Variants in DCDC1 observed in about 807,000 individuals in gnomAD.
The protein encoded by DCDC1 is doublecortin domain containing 1.
A neutral mutation model predicts 178.3 loss-of-function variants in DCDC1; 200 were observed. The observed-to-expected ratio is 1.12, with a 90% CI of 1.00 to 1.26. The LOEUF is 1.26. DCDC1 is among the 50% of genes most tolerant of loss of function. DCDC1 has a pLI of 0.00. For synonymous variants in DCDC1, 690 were observed against 604.8 expected (o/e 1.14, Z -2.07); for missense variants, 1,983 against 1,749.2 (o/e 1.13, Z -2.38).
chr11:31,082,292 T>A (rs911231419), intron 17 of DCDC1, among the ~76,000 whole-genome samples: 6 of 151,880 alleles, frequency 4.0e-5, no homozygotes, highest in African/African-American at 1.5e-4. Flanking sequence ...GCCTTGCAAT[T>A]TTTTTTTAAT....
In DCDC1 at chr11:30,905,220, C is replaced by T. The variant is rs1944977945; in HGVS notation, c.4105-56G>A. On this transcript the variant is annotated intron_variant, in intron 30 of 38. Coordinates refer to ENST00000684477, the MANE Select transcript of DCDC1 (RefSeq NM_001387274.1). ...ACTCAAACTTTCTTGTTTTAGTGTG[C>T]TACACTTTAGTCTCTTAATAAATGT... 6 of 1,512,044 alleles carry T rather than the reference C, an allele frequency of 4.0e-6. No individual in the cohort carries two copies. The East Asian group carries it at 1.5e-4, about 37-fold the overall frequency. 93.7% of individuals were successfully genotyped at this position (1,512,044 alleles called of 1,614,324 possible). A position where few individuals can be genotyped will look rare whatever the true frequency, so the allele number is the denominator to read the frequency against.
intron 38 of DCDC1, among the ~76,000 whole-genome samples, chr11:30,878,095 C>T (rs1427544126): frequency 2.0e-5 from 3 of 151,974 alleles, no homozygotes; most frequent in Non-Finnish European, 4.4e-5. Flanking sequence ...AGTTTTGTTG[C>T]CTTTCCAGGA....
At chr11:31,177,335 C>T (rs1162653801) in intron 9 of DCDC1, among the ~76,000 whole-genome samples, 1 of 151,224 alleles carries the variant, frequency 6.6e-6, no homozygotes, top group African/African-American at 2.4e-5. Flanking sequence ...AGCTTAGCAC[C>T]ACAGAAAACC....
At chr11:31,240,532 A>G (rs1976988561) in intron 9 of DCDC1, among the ~76,000 whole-genome samples, 1 of 152,004 alleles carries the variant, frequency 6.6e-6, no homozygotes, top group Non-Finnish European at 1.5e-5. Context: ...TAAGACTGAT[A>G]GCCCATTCCC....
At chr11:30,957,442 A>T (rs1017591606) in intron 20 of DCDC1, among the ~76,000 whole-genome samples, 1 of 152,110 alleles carries the variant, frequency 6.6e-6, no homozygotes, top group Non-Finnish European at 1.5e-5. Context: ...ACCGAAGTCA[A>T]AGGTCTTTTC....
intron 2 of DCDC1, among the ~76,000 whole-genome samples, chr11:31,333,804 C>T (rs2133146510): frequency 6.6e-6 from 1 of 152,228 alleles, no homozygotes; most frequent in East Asian, 1.9e-4. Context: ...CTCTGGCTGC[C>T]CTTAACATTT....
intron 6 of DCDC1, 61 bp from the exon 7 acceptor site, chr11:31,290,913 C>T: frequency 6.9e-7 from 1 of 1,446,556 alleles, no homozygotes; most frequent in Non-Finnish European, 9.5e-7. Context: ...ATGGACACAT[C>T]ATACTTCCCT....
intron 21 of DCDC1, chr11:30,943,339 T>A (rs1231602214): frequency 5.3e-6 from 1 of 188,480 alleles, no homozygotes; most frequent in Non-Finnish European, 1.1e-5. Context: ...CAATGTTCTC[T>A]CCTGAGCCTT....
At chr11:30,945,678 A>G (rs1179569112) in intron 21 of DCDC1, among the ~76,000 whole-genome samples, 1 of 151,958 alleles carries the variant, frequency 6.6e-6, no homozygotes, top group Non-Finnish European at 1.5e-5. Flanking sequence ...GGGTAACAAG[A>G]GCAAAACTCC....
chr11:31,265,020 C>T (rs574976925), intron 8 of DCDC1, among the ~76,000 whole-genome samples: 4 of 152,160 alleles, frequency 2.6e-5, no homozygotes, highest in South Asian at 4.1e-4. Flanking sequence ...TGCTGATATA[C>T]ACACTTAGTA....
rs536101256 is a variant in DCDC1, at chr11:31,262,021, T to A, written c.1054+3486A>T. On this transcript the variant is annotated intron_variant, in intron 8 of 38. Transcript: ENST00000684477. ...GGATCATGCCTGTAATACCAGCACT[T>A]TGGGAGGCCAAGGTAGGAGGATTGC... is the stretch of plus-strand genomic sequence containing the variant. 3.3e-5 allele frequency among the ~76,000 whole-genome samples: 5 copies of A among 151,948 alleles called. No individual in the cohort carries two copies. The South Asian group carries it at 1.0e-3, about 32-fold the overall frequency.
intron 17 of DCDC1, among the ~76,000 whole-genome samples, chr11:31,088,997 G>C (rs1335368005): frequency 6.6e-6 from 1 of 152,118 alleles, no homozygotes; most frequent in Non-Finnish European, 1.5e-5. Context: ...ACCATGCCAG[G>C]CCTAGTAGCA....
intron 11 of DCDC1, among the ~76,000 whole-genome samples, chr11:31,122,242 C>A (rs959054691): frequency 6.6e-6 from 1 of 152,134 alleles, no homozygotes; most frequent in Non-Finnish European, 1.5e-5. Flanking sequence ...ATTCCCACCA[C>A]CACCATCACG....
intron 1 of DCDC1, among the ~76,000 whole-genome samples, chr11:31,345,791 G>T (rs1430321284): frequency 6.6e-6 from 1 of 152,022 alleles, no homozygotes; most frequent in Non-Finnish European, 1.5e-5. Flanking sequence ...GATAATGAAA[G>T]AAAATTATTC....
intron 6 of DCDC1, among the ~76,000 whole-genome samples, chr11:31,299,945 C>T (rs1295521870): frequency 6.6e-6 from 1 of 152,098 alleles, no homozygotes; most frequent in Non-Finnish European, 1.5e-5. Context: ...GCAACCTCTG[C>T]CTCACGGGTT....
intron 3 of DCDC1, among the ~76,000 whole-genome samples, chr11:31,310,308 A>ATTTTTTTTTTTTTTT (rs11407483): frequency 1.9e-5 from 1 of 53,864 alleles, no homozygotes; most frequent in African/African-American, 8.5e-5. Context: ...GTAATTCTTG[A>ATTTTTTTTTTTTTTT]TTTTTTTTTT....
rs559363080 is a variant in DCDC1, at chr11:31,354,637, A to G, written c.-125+15060T>C. ...TGACAGGTCATATTATCACGCAAAA[A>G]GTGAACAGTGTAGTCTATTTCAATG... On this transcript the variant is annotated intron_variant, in intron 1 of 38. Transcript: ENST00000684477. Among the ~76,000 whole-genome samples, 35 of 152,350 alleles carry G rather than the reference A, an allele frequency of 2.3e-4. 1 individual carries two copies. In the South Asian group the frequency reaches 7.0e-3, roughly 31 times the overall value.
At chr11:30,927,558 A>G (rs918341985) in intron 22 of DCDC1, among the ~76,000 whole-genome samples, 1 of 152,182 alleles carries the variant, frequency 6.6e-6, no homozygotes, top group African/African-American at 2.4e-5. Context: ...ACTTCCAGCT[A>G]GTTAGTGGCA....
intron 10 of DCDC1, among the ~76,000 whole-genome samples, chr11:31,134,831 C>CA (rs1161818104): frequency 1.3e-5 from 2 of 151,972 alleles, no homozygotes; most frequent in Non-Finnish European, 2.9e-5. Flanking sequence ...CCTATCTCTA[C>CA]AAAAAAATTT....
Sources: gnomAD v4.1 joint callset for allele counts (sites outside exome capture counted in the v4.1 genomes callset) on GRCh38, gnomAD v4.1.1 for gene constraint, MANE v1.5 for transcripts, NCBI Gene and HGNC (gene_info 2026-07-23, HGNC 2026-07-21) for gene names.